JDP2: variants seen among roughly 807,000 people sequenced by gnomAD.
JDP2 encodes the protein Jun dimerization protein 2.
JDP2 carries 9 observed loss-of-function variants against 17.1 expected under a neutral mutation model. The ratio of observed to expected loss-of-function variants is 0.53; its 90% CI spans 0.32 to 0.92. JDP2 has a LOEUF of 0.92. Among genes scored for constraint, JDP2 ranks in the 40% least tolerant of loss-of-function variants. The pLI, the probability that JDP2 is intolerant of heterozygous loss-of-function variation, is 0.04. For missense variants in JDP2, 179 were observed against 220.0 expected (o/e 0.81, Z 1.18); for synonymous variants, 107 against 95.6 (o/e 1.12, Z -0.69).
At chr14:75,458,354 T>C (rs1886205905) in intron 2 of JDP2, among the ~76,000 whole-genome samples, 1 of 152,148 alleles carries the variant, frequency 6.6e-6, no homozygotes, top group Non-Finnish European at 1.5e-5. Flanking sequence ...CCAGTGTGTG[T>C]TGTTCCTCTC....
chr14:75,431,101 G>C (rs534166426), intron 1 of JDP2, among the ~76,000 whole-genome samples: 1 of 152,308 alleles, frequency 6.6e-6, no homozygotes, highest in African/African-American at 2.4e-5. Flanking sequence ...AGGTGTGGTA[G>C]TGTTAACCCC....
At chr14:75,457,795 C>T (rs957217556) in intron 2 of JDP2, among the ~76,000 whole-genome samples, 1 of 152,240 alleles carries the variant, frequency 6.6e-6, no homozygotes, top group African/African-American at 2.4e-5. Context: ...AGCCAGTGTG[C>T]TTCTAGGGAA....
At chr14:75,446,647 T>G (rs1379146958) in intron 2 of JDP2, among the ~76,000 whole-genome samples, 1 of 152,094 alleles carries the variant, frequency 6.6e-6, no homozygotes, top group African/African-American at 2.4e-5. Flanking sequence ...TGTGGTTACC[T>G]AGGGGTGGGG....
rs1455029028 is a variant in JDP2 at position 75,470,933 on chromosome 14, CAA to C, written c.*1459_*1460del. ...GCAGACATAGTCTCTTCCCTTCTCA[CAA>C]GAGCACAAACTAGGCACGATTCTTC... is the stretch of plus-strand genomic sequence containing the variant. On this transcript the variant is annotated 3_prime_UTR_variant, in exon 4 of 4. Transcript: ENST00000651602. 1 of 152,250 alleles carries C rather than the reference CAA, an allele frequency of 6.6e-6. No individual in the cohort carries two copies. Among genetic ancestry groups the C allele is most frequent in the African/African-American group, 2.4e-5 (1 of 41,454 alleles). The allele number at this position is 152,250 out of a possible 1,614,324, so 9.4% of individuals were successfully genotyped here. A position where few individuals can be genotyped will look rare whatever the true frequency, so the allele number is the denominator to read the frequency against.
rs1409832644 is a variant in JDP2 at position 75,469,624 on chromosome 14, T to C, written c.*149T>C. On this transcript the variant is annotated 3_prime_UTR_variant, in exon 4 of 4. Coordinates refer to ENST00000651602, the MANE Select transcript of JDP2 (RefSeq NM_001135048.2). The stretch of plus-strand genomic sequence containing the variant: ...CACAGCCAGCATCAGCCGAGCTTTT[T>C]TGTGAAACTCAGATCAGCCACCCAG... 6 of 708,954 alleles carry C rather than the reference T, an allele frequency of 8.5e-6. No individual in the cohort carries two copies. Among genetic ancestry groups the C allele is most frequent in the Non-Finnish European group, 1.4e-5 (6 of 437,910 alleles). 43.9% of individuals were successfully genotyped at this position (708,954 alleles called of 1,614,324 possible).
At chr14:75,443,496 A>G (rs1885453950) in intron 2 of JDP2, among the ~76,000 whole-genome samples, 1 of 152,042 alleles carries the variant, frequency 6.6e-6, no homozygotes, top group Non-Finnish European at 1.5e-5. Flanking sequence ...CTCCCAACTC[A>G]TCTTTGAAAT....
At chr14:75,439,787 C>G (rs544084564) in intron 2 of JDP2, among the ~76,000 whole-genome samples, 2 of 152,128 alleles carry the variant, frequency 1.3e-5, no homozygotes, top group African/African-American at 4.8e-5. Flanking sequence ...GTCTTTTGGC[C>G]CTCTGCTCCT....
At chr14:75,458,648 T>C (rs1167134759) in intron 2 of JDP2, among the ~76,000 whole-genome samples, 1 of 152,246 alleles carries the variant, frequency 6.6e-6, no homozygotes, top group Admixed American at 6.5e-5. Flanking sequence ...TGTGTCTTTA[T>C]GGTAGAATGA....
chr14:75,428,097 G>A lies in JDP2; in HGVS notation c.-179G>A, dbSNP rs1884608117. 6.8e-6 allele frequency: 1 copy of A among 146,968 alleles called. No homozygotes were observed. Among genetic ancestry groups the A allele is most frequent in the Non-Finnish European group, 1.5e-5 (1 of 65,948 alleles). The allele number at this position is 146,968 out of a possible 1,614,324, so 9.1% of individuals were successfully genotyped here. On this transcript the variant is annotated 5_prime_UTR_variant, in exon 1 of 4. Transcript: ENST00000651602. The surrounding 1 kb of genome is among the most constrained non-coding windows in gnomAD (Gnocchi z 5.6). Reference sequence around the variant, plus strand: ...CGCTGGCGGCGGCGGACGCTGCAGCGGCGGCGGGGCTGGCGCCGCGGCGGC... The same window carrying A: ...CGCTGGCGGCGGCGGACGCTGCAGCAGCGGCGGGGCTGGCGCCGCGGCGGC...
intron 2 of JDP2, among the ~76,000 whole-genome samples, chr14:75,451,712 GGAAAGAGGGATGATGCACAGTCA>G (rs1455177310): frequency 6.6e-6 from 1 of 152,160 alleles, no homozygotes; most frequent in East Asian, 1.9e-4. Flanking sequence ...GGAAAATTCA[GGAAAGAGGGATGATGCACAGTCA>G]GGCAGAGCCT....
chr14:75,441,083 C>G (rs2140052919), intron 2 of JDP2, among the ~76,000 whole-genome samples: 1 of 152,250 alleles, frequency 6.6e-6, no homozygotes, highest in South Asian at 2.1e-4. Flanking sequence ...GAGTGCTGAG[C>G]CCTGCAGTCC....
rs571547343 is a variant in JDP2 at position 75,452,810 on chromosome 14, T to C, written c.202-8616T>C. ...TGCTTGACCCCTGAGGTGATGTGAG[T>C]CTGCAACCCCAGCCTTAGACTGACC... is the stretch of plus-strand genomic sequence containing the variant. On this transcript the variant is annotated intron_variant, in intron 2 of 3. Coordinates refer to ENST00000651602, the MANE Select transcript of JDP2 (RefSeq NM_001135048.2). Among the ~76,000 whole-genome samples the C allele has an allele frequency of 5.9e-5, 9 of 152,076 alleles. No homozygotes were observed. The East Asian group carries it at 1.5e-3, about 26-fold the overall frequency.
chr14:75,457,027 C>G (rs1886143703), intron 2 of JDP2, among the ~76,000 whole-genome samples: 1 of 152,238 alleles, frequency 6.6e-6, no homozygotes, highest in Non-Finnish European at 1.5e-5. Context: ...TGCAGGAAAA[C>G]AGAGCCAACA....
At chr14:75,446,944 A>G (rs1368644726) in intron 2 of JDP2, among the ~76,000 whole-genome samples, 1 of 152,198 alleles carries the variant, frequency 6.6e-6, no homozygotes, top group Non-Finnish European at 1.5e-5. Flanking sequence ...ATTAGTAGCT[A>G]GGGTTATTAA....
At chr14:75,463,654 G>C (rs1886437924) in intron 3 of JDP2, among the ~76,000 whole-genome samples, 2 of 152,176 alleles carry the variant, frequency 1.3e-5, no homozygotes, top group African/African-American at 4.8e-5. Context: ...AGGAATGGAA[G>C]GGTTCAAGCA....
chr14:75,451,598 A>C (rs1594962798), intron 2 of JDP2, among the ~76,000 whole-genome samples: 1 of 152,208 alleles, frequency 6.6e-6, no homozygotes, highest in Non-Finnish European at 1.5e-5. Flanking sequence ...GTAGCAGGCC[A>C]AGGATGGGAC....
At chr14:75,434,741 G>A (rs942610917) in intron 1 of JDP2, among the ~76,000 whole-genome samples, 16 of 152,104 alleles carry the variant, frequency 1.1e-4, no homozygotes, top group Non-Finnish European at 1.8e-4. Flanking sequence ...GGAAGGCTTA[G>A]GCAGGGAAAT....
At chr14:75,451,206 AGATCCTTCC>A (rs1885843446) in intron 2 of JDP2, among the ~76,000 whole-genome samples, 1 of 152,062 alleles carries the variant, frequency 6.6e-6, no homozygotes, top group African/African-American at 2.4e-5. Flanking sequence ...CATTTTAGAA[AGATCCTTCC>A]GATGGCTGGG....
At chr14:75,459,225 G>T (rs1315568150) in intron 2 of JDP2, among the ~76,000 whole-genome samples, 1 of 152,234 alleles carries the variant, frequency 6.6e-6, no homozygotes, top group Non-Finnish European at 1.5e-5. Context: ...ACTTCCTCCA[G>T]TTCCTTCCCT....
Sources: allele counts gnomAD v4.1 joint callset (sites outside exome capture counted in the v4.1 genomes callset), GRCh38; gene constraint gnomAD v4.1.1; non-coding constraint Gnocchi (gnomAD v3.1); transcripts MANE v1.5; gene names NCBI Gene and HGNC (gene_info 2026-07-23, HGNC 2026-07-21).